IL1RAPL1: variants seen among roughly 807,000 people sequenced by gnomAD.
IL1RAPL1 encodes the protein interleukin-1 receptor accessory protein-like 1.
Under a neutral mutation model 48.4 loss-of-function variants are expected in IL1RAPL1, and 3 were observed. That is an observed-to-expected ratio of 0.06 (90% CI 0.03 to 0.16). IL1RAPL1 has a LOEUF of 0.16. IL1RAPL1 is among the 10% of genes least tolerant of loss of function. The pLI is 1.00. For synonymous variants in IL1RAPL1, 185 were observed against 187.7 expected (o/e 0.99, Z 0.12); for missense variants, 349 against 530.6 (o/e 0.66, Z 3.36).
rs183353775 is a variant in IL1RAPL1 at position 29,433,869 on chromosome X, C to A, written c.703+34561C>A. 4.7e-3 allele frequency among the ~76,000 whole-genome samples: 511 copies of A among 109,206 alleles called. 2 individuals are homozygous for A. The highest frequency in any genetic ancestry group is 5.1e-3 in the Non-Finnish European group (264 of 52,109). 94.8% of individuals were successfully genotyped at this position (109,206 alleles called of 115,157 possible). A position where few individuals can be genotyped will look rare whatever the true frequency, so the allele number is the denominator to read the frequency against. On this transcript the variant is annotated intron_variant, in intron 5 of 10. Coordinates refer to ENST00000378993, the MANE Select transcript of IL1RAPL1 (RefSeq NM_014271.4). ...TTTGTAGTCCTTATTAATTACATTG[C>A]CTAAAAGATAATAATCATGTACAGT...
intron 6 of IL1RAPL1, among the ~76,000 whole-genome samples, chrX:29,884,755 C>T (rs1391907037): frequency 8.9e-6 from 1 of 111,863 alleles, no homozygotes; most frequent in African/African-American, 3.2e-5. Context: ...CCACAGCCTT[C>T]TCTGTCTCAG....
intron 2 of IL1RAPL1, among the ~76,000 whole-genome samples, chrX:28,970,799 C>T (rs781095403): frequency 3.6e-5 from 4 of 111,229 alleles, no homozygotes; most frequent in African/African-American, 1.3e-4. Flanking sequence ...ATACTGCGTG[C>T]TATAGGCTTT....
chrX:29,247,739 G>A (rs1379367196), intron 2 of IL1RAPL1, among the ~76,000 whole-genome samples: 2 of 111,915 alleles, frequency 1.8e-5, no homozygotes, highest in Admixed American at 1.9e-4. Context: ...CCAAGATCAT[G>A]CCACTGCAAT....
At chrX:28,887,047 G>A (rs1377707499) in intron 2 of IL1RAPL1, among the ~76,000 whole-genome samples, 1 of 111,745 alleles carries the variant, frequency 8.9e-6, no homozygotes, top group East Asian at 2.8e-4. Context: ...TTACCTACTA[G>A]TGTCAGAAAT....
At chrX:29,665,272 C>T (rs976796585) in intron 5 of IL1RAPL1, among the ~76,000 whole-genome samples, 4 of 112,413 alleles carry the variant, frequency 3.6e-5, no homozygotes, top group South Asian at 7.3e-4. Flanking sequence ...GAAATGTCTT[C>T]GTAACACAAG....
intron 3 of IL1RAPL1, among the ~76,000 whole-genome samples, chrX:29,358,566 A>G (rs1933335396): frequency 3.6e-5 from 4 of 110,690 alleles, no homozygotes; most frequent in South Asian, 7.6e-4. Context: ...TTTATAATTG[A>G]CAAATAATTG....
chrX:29,354,013 AT>A (rs1933269558), intron 3 of IL1RAPL1, among the ~76,000 whole-genome samples: 1 of 110,695 alleles, frequency 9.0e-6, no homozygotes, highest in African/African-American at 3.3e-5. Context: ...CTCATAAAAA[AT>A]AAGCAAACAA....
chrX:28,737,205 C>CCCTTTCTT (rs1382980822), intron 1 of IL1RAPL1, among the ~76,000 whole-genome samples: 3 of 50,295 alleles, frequency 6.0e-5, no homozygotes, highest in African/African-American at 8.8e-5. Flanking sequence ...TTCTTTCTTT[C>CCCTTTCTT]TCTTTCTTTC....
At chrX:29,309,697 C>T (rs896980622) in intron 3 of IL1RAPL1, among the ~76,000 whole-genome samples, 2 of 109,818 alleles carry the variant, frequency 1.8e-5, no homozygotes, top group Non-Finnish European at 3.8e-5. Context: ...CCTGTAACCC[C>T]GGCCACTCGG....
Position 29,230,504 on chromosome X carries a change from C to CAAAAAAAAAAAAAAAAAAAA in IL1RAPL1, c.83-52422_83-52403dup. Reference sequence around the variant, plus strand: ...TGCTCTATCATTATGGTCCCTTTACCAAAAAAAAAAAAAAAAAAAAAAAAA... The same window carrying CAAAAAAAAAAAAAAAAAAAA: ...TGCTCTATCATTATGGTCCCTTTACCAAAAAAAAAAAAAAAAAAAAAAAAAAAAAAAAAAAAAAAAAAAAA... On this transcript the variant is annotated intron_variant, in intron 2 of 10. Coordinates refer to ENST00000378993, the MANE Select transcript of IL1RAPL1 (RefSeq NM_014271.4). Among the ~76,000 whole-genome samples, 29 of 16,593 alleles carry CAAAAAAAAAAAAAAAAAAAA rather than the reference C, an allele frequency of 1.7e-3. 8 individuals are homozygous for CAAAAAAAAAAAAAAAAAAAA. The highest frequency in any genetic ancestry group is 7.5e-3 in the African/African-American group (26 of 3,486). The allele number at this position is 16,593 out of a possible 115,157, so 14.4% of individuals were successfully genotyped here. A position where few individuals can be genotyped will look rare whatever the true frequency, so the allele number is the denominator to read the frequency against.
At chrX:29,061,352 T>C (rs1190872209) in intron 2 of IL1RAPL1, among the ~76,000 whole-genome samples, 5 of 112,022 alleles carry the variant, frequency 4.5e-5, no homozygotes, top group Non-Finnish European at 9.4e-5. Flanking sequence ...TATACCAGAT[T>C]AAAGTTATGA....
chrX:28,906,712 TTAAGA>T (rs1923225993), intron 2 of IL1RAPL1, among the ~76,000 whole-genome samples: 1 of 112,017 alleles, frequency 8.9e-6, no homozygotes, highest in African/African-American at 3.2e-5. Flanking sequence ...GATAAATAAA[TTAAGA>T]TATTTTACAA....
chrX:28,872,102 G>A lies in IL1RAPL1; in HGVS notation c.82+82677G>A, dbSNP rs187471756. On this transcript the variant is annotated intron_variant, in intron 2 of 10. Coordinates refer to ENST00000378993, the MANE Select transcript of IL1RAPL1 (RefSeq NM_014271.4). ...GGCTCACTGCAGCCTCGACCTCTTG[G>A]ACTCAAGCAATCCTCCTGCCTCAGC... 3.5e-3 allele frequency among the ~76,000 whole-genome samples: 386 copies of A among 111,589 alleles called. 4 individuals are homozygous for A. The highest frequency in any genetic ancestry group is 0.012 in the African/African-American group (366 of 30,733).
At chrX:28,955,174 G>A (rs1401284983) in intron 2 of IL1RAPL1, among the ~76,000 whole-genome samples, 3 of 111,234 alleles carry the variant, frequency 2.7e-5, no homozygotes, top group South Asian at 3.8e-4. Context: ...ACTCCTACTA[G>A]CCAAAACATT....
At chrX:29,773,179 A>C (rs1929108406) in intron 6 of IL1RAPL1, among the ~76,000 whole-genome samples, 1 of 112,499 alleles carries the variant, frequency 8.9e-6, no homozygotes, top group Non-Finnish European at 1.9e-5. Context: ...CTCCCTCAGT[A>C]CCTAAGTAAT....
chrX:29,336,780 C>A (rs188110606), intron 3 of IL1RAPL1, among the ~76,000 whole-genome samples: 292 of 111,709 alleles, frequency 2.6e-3, no homozygotes, highest in Non-Finnish European at 2.9e-3. Context: ...TCAGATTCTT[C>A]TGGCCTCTTT....
At chrX:29,483,140 A>G (rs750185184) in intron 5 of IL1RAPL1, among the ~76,000 whole-genome samples, 71 of 112,140 alleles carry the variant, frequency 6.3e-4, no homozygotes, top group Non-Finnish European at 9.8e-4. Context: ...TCCTAAATAT[A>G]GTGCAGTTTT....
At chrX:28,808,381 A>T (rs765695603) in intron 2 of IL1RAPL1, among the ~76,000 whole-genome samples, 1 of 111,362 alleles carries the variant, frequency 9.0e-6, no homozygotes. Context: ...AAACTTATAC[A>T]TTCAAACTCA....
chrX:29,287,531 G>T (rs776324712), intron 3 of IL1RAPL1, among the ~76,000 whole-genome samples: 10 of 112,291 alleles, frequency 8.9e-5, no homozygotes, highest in Non-Finnish European at 1.5e-4. Context: ...AGCATCTGAT[G>T]TTCCCACCAG....
Sources: allele counts gnomAD v4.1 joint callset (sites outside exome capture counted in the v4.1 genomes callset), GRCh38; gene constraint gnomAD v4.1.1; transcripts MANE v1.5; gene names NCBI Gene and HGNC (gene_info 2026-07-23, HGNC 2026-07-21).